Variants in ENTREP2 observed in about 807,000 individuals in gnomAD.
The protein encoded by ENTREP2 is protein ENTREP2.
chr15:29,124,550 C>T, the ENTREP2 span: 1,720 of 666,184 alleles, frequency 2.6e-3, 7 homozygotes, highest in Non-Finnish European at 3.8e-3. Context: ...GCCCTCAAAG[C>T]CAGACAGTGG....
chr15:29,535,668 G>A, the ENTREP2 span, among the ~76,000 whole-genome samples: 2 of 152,122 alleles, frequency 1.3e-5, no homozygotes, highest in Admixed American at 1.3e-4. Context: ...TAGCCTGGGT[G>A]ATAAAGCAAG....
the ENTREP2 span, among the ~76,000 whole-genome samples, chr15:29,672,350 T>C: frequency 6.6e-6 from 1 of 152,208 alleles, no homozygotes; most frequent in South Asian, 2.1e-4. Context: ...ATTTTTATTT[T>C]TAAGGTCTTC....
the ENTREP2 span, among the ~76,000 whole-genome samples, chr15:29,422,270 C>CA: frequency 0.024 from 3,383 of 143,696 alleles, 134 homozygotes; most frequent in African/African-American, 0.082. Context: ...AACTCCGTGT[C>CA]AAAAAAAAAG....
the ENTREP2 span, among the ~76,000 whole-genome samples, chr15:29,139,482 G>T: frequency 2.6e-5 from 4 of 152,228 alleles, no homozygotes; most frequent in South Asian, 8.3e-4. Context: ...TTTTCAATTA[G>T]TCTCTATCAG....
chr15:29,136,576 A>C, the ENTREP2 span: 1 of 1,483,886 alleles, frequency 6.7e-7, no homozygotes, highest in Non-Finnish European at 9.0e-7. Flanking sequence ...CAAAGCCGCC[A>C]GAGCAGGGGC....
At chr15:29,152,134 C>A in the ENTREP2 span, among the ~76,000 whole-genome samples, 1 of 152,110 alleles carries the variant, frequency 6.6e-6, no homozygotes, top group East Asian at 1.9e-4. Context: ...CATAAGGTGG[C>A]CAACATTTAA....
At chr15:29,530,017 C>A in the ENTREP2 span, among the ~76,000 whole-genome samples, 1 of 152,142 alleles carries the variant, frequency 6.6e-6, no homozygotes, top group East Asian at 1.9e-4. Context: ...CCTCAGGCCC[C>A]ACCTAAAGCT....
At chr15:29,297,300 T>C in the ENTREP2 span, among the ~76,000 whole-genome samples, 1 of 152,090 alleles carries the variant, frequency 6.6e-6, no homozygotes, top group Admixed American at 6.5e-5. Flanking sequence ...TGGCCAAACT[T>C]AGAACAGTGT....
At chr15:29,150,142 C>G in the ENTREP2 span, among the ~76,000 whole-genome samples, 1 of 152,314 alleles carries the variant, frequency 6.6e-6, no homozygotes, top group South Asian at 2.1e-4. Context: ...ATTCATTCCA[C>G]TTCACAGGTG....
At chr15:29,311,517 C>G in the ENTREP2 span, among the ~76,000 whole-genome samples, 1 of 152,190 alleles carries the variant, frequency 6.6e-6, no homozygotes, top group Non-Finnish European at 1.5e-5. Context: ...TGGCGAAACC[C>G]TGTCTCTACT....
the ENTREP2 span, among the ~76,000 whole-genome samples, chr15:29,378,047 G>A: frequency 6.6e-6 from 1 of 151,840 alleles, no homozygotes; most frequent in Non-Finnish European, 1.5e-5. Context: ...CCTAATTAGA[G>A]AAGAAAGATA....
chr15:29,321,425 G>A, the ENTREP2 span, among the ~76,000 whole-genome samples: 11 of 152,200 alleles, frequency 7.2e-5, no homozygotes, highest in African/African-American at 2.6e-4. Flanking sequence ...CAAGGCGGGT[G>A]GATCACAAGG....
chr15:29,393,986 T>C, the ENTREP2 span, among the ~76,000 whole-genome samples: 1 of 152,186 alleles, frequency 6.6e-6, no homozygotes, highest in Non-Finnish European at 1.5e-5. Flanking sequence ...TCTAATTCAG[T>C]AGCTTTCCTA....
At chr15:29,233,387 G>A in the ENTREP2 span, among the ~76,000 whole-genome samples, 49,310 of 152,020 alleles carry the variant, frequency 0.32, 9,588 homozygotes, top group East Asian at 0.6. Context: ...TCACAATTCT[G>A]CATGATTTTA....
At chr15:29,317,656 A>G in the ENTREP2 span, among the ~76,000 whole-genome samples, 1 of 152,214 alleles carries the variant, frequency 6.6e-6, no homozygotes, top group African/African-American at 2.4e-5. Context: ...TATCACTCCA[A>G]TAATGTTTCT....
At chr15:29,621,319 C>A in the ENTREP2 span, among the ~76,000 whole-genome samples, 1 of 151,684 alleles carries the variant, frequency 6.6e-6, no homozygotes, top group African/African-American at 2.4e-5. Flanking sequence ...GTCAGGAGAT[C>A]GAGACCATCC....
the ENTREP2 span, among the ~76,000 whole-genome samples, chr15:29,657,892 TACTC>T: frequency 1.3e-5 from 2 of 152,280 alleles, no homozygotes; most frequent in South Asian, 4.2e-4. Context: ...AATGAAATAT[TACTC>T]AGCAGTAAAA....
At chr15:29,649,524 C>G in the ENTREP2 span, among the ~76,000 whole-genome samples, 1 of 151,982 alleles carries the variant, frequency 6.6e-6, no homozygotes, top group African/African-American at 2.4e-5. Flanking sequence ...AGTTTGAGAC[C>G]AGCCTGGCCA....
At chr15:29,553,251 G>A in the ENTREP2 span, among the ~76,000 whole-genome samples, 24 of 152,196 alleles carry the variant, frequency 1.6e-4, no homozygotes, top group Middle Eastern at 3.4e-3. Context: ...AGCTGAGATC[G>A]CACCACTGTA....
Sources: allele counts gnomAD v4.1 joint callset (sites outside exome capture counted in the v4.1 genomes callset), GRCh38; gene constraint gnomAD v4.1.1; transcripts MANE v1.5; gene names NCBI Gene and HGNC (gene_info 2026-07-23, HGNC 2026-07-21).